Variants in BBS9 observed in about 807,000 individuals in gnomAD.
The protein encoded by BBS9 is protein PTHB1.
In BBS9, 89 loss-of-function variants were observed where a neutral mutation model predicts 117.7. The observed-to-expected ratio is 0.76, with a 90% CI of 0.64 to 0.90. The LOEUF is 0.90. Among genes scored for constraint, BBS9 ranks in the 40% least tolerant of loss-of-function variants. The pLI is 0.00. For missense variants in BBS9, 982 were observed against 1,042.2 expected, an observed-to-expected ratio of 0.94 and a Z score of 0.80; for synonymous variants, 379 against 370.9, an observed-to-expected ratio of 1.02 and a Z score of -0.25.
chr7:33,221,913 A>G lies in BBS9; in HGVS notation c.443-35323A>G, dbSNP rs1226910387. ...TTAAAAATCATATATATATATACACACACACACACATATATGATATGAAAT... is the reference window on the plus strand; with the variant it reads ...TTAAAAATCATATATATATATACACGCACACACACATATATGATATGAAAT... On this transcript the variant is annotated intron_variant, in intron 5 of 22. Coordinates refer to ENST00000242067, the MANE Select transcript of BBS9 (RefSeq NM_198428.3). Among the ~76,000 whole-genome samples the G allele has an allele frequency of 2.6e-5, 4 of 152,286 alleles. No individual in the cohort carries two copies. In the East Asian group the frequency reaches 7.7e-4, roughly 29 times the overall value.
At chr7:33,520,697 A>C (rs1317653982) in intron 20 of BBS9, among the ~76,000 whole-genome samples, 1 of 152,220 alleles carries the variant, frequency 6.6e-6, no homozygotes, top group Non-Finnish European at 1.5e-5. Flanking sequence ...TGCAAGTCAT[A>C]GTGTGAGATG....
intron 19 of BBS9, among the ~76,000 whole-genome samples, chr7:33,502,117 C>T (rs1020585084): frequency 5.3e-5 from 8 of 152,094 alleles, no homozygotes; most frequent in Non-Finnish European, 7.4e-5. Flanking sequence ...AACATGTTGG[C>T]CAGGCTGCTC....
In BBS9 at chr7:33,619,340, A is replaced by G. The variant is rs1585489107; in HGVS notation, c.2522-15837A>G. Among the ~76,000 whole-genome samples the G allele has an allele frequency of 2.0e-5, 3 of 152,292 alleles. 1 individual carries two copies. Among genetic ancestry groups the G allele is most frequent in the Middle Eastern group, 6.8e-3 (2 of 294 alleles). ...TAAATATGTATTTGCCCAATGTTGG[A>G]ACACCTAAATACATAAAGAAAATAT... On this transcript the variant is annotated intron_variant, in intron 21 of 21. Transcript: ENST00000671952.
chr7:33,330,816 G>A (rs1454444293), intron 9 of BBS9, among the ~76,000 whole-genome samples: 1 of 152,074 alleles, frequency 6.6e-6, no homozygotes, highest in Non-Finnish European at 1.5e-5. Context: ...TAGCTCAGTC[G>A]ATGCACTTCA....
intron 21 of BBS9, among the ~76,000 whole-genome samples, chr7:33,616,891 C>T (rs1412955548): frequency 6.6e-6 from 1 of 151,744 alleles, no homozygotes; most frequent in African/African-American, 2.4e-5. Flanking sequence ...TCTCCAATGT[C>T]GATTATTCCA....
At chr7:33,280,941 A>C in intron 9 of BBS9, among the ~76,000 whole-genome samples, 2 of 129,354 alleles carry the variant, frequency 1.5e-5, no homozygotes. Flanking sequence ...GCATTATAGA[A>C]AGAGAATGTG....
chr7:33,619,752 A>G (rs1407424807), intron 21 of BBS9, among the ~76,000 whole-genome samples: 1 of 152,164 alleles, frequency 6.6e-6, no homozygotes, highest in Non-Finnish European at 1.5e-5. Context: ...TGAATAACCA[A>G]TGGGTCAAAG....
chr7:33,218,989 G>A (rs1001484760), intron 5 of BBS9, among the ~76,000 whole-genome samples: 16 of 152,364 alleles, frequency 1.1e-4, no homozygotes, highest in Non-Finnish European at 1.8e-4. Flanking sequence ...AGGCGCGAGC[G>A]GGAACCCGGG....
chr7:33,434,356 A>G (rs1309314717), intron 19 of BBS9, among the ~76,000 whole-genome samples: 4 of 151,474 alleles, frequency 2.6e-5, no homozygotes, highest in Non-Finnish European at 5.9e-5. Context: ...CTGTCTTTTT[A>G]GTAATATATT....
intron 1 of BBS9, among the ~76,000 whole-genome samples, chr7:33,131,134 G>C (rs1482822377): frequency 6.6e-6 from 1 of 152,154 alleles, no homozygotes; most frequent in African/African-American, 2.4e-5. Flanking sequence ...TTTCGGTCCA[G>C]AGGGTGAGTT....
chr7:33,386,423 C>G (rs1301773015), intron 18 of BBS9, among the ~76,000 whole-genome samples: 3 of 151,636 alleles, frequency 2.0e-5, no homozygotes, highest in Non-Finnish European at 4.4e-5. Context: ...TGAAGTGTCC[C>G]TTTTACCCTG....
In BBS9 at chr7:33,598,926, A is replaced by G. The variant is rs114374898; in HGVS notation, c.2522-5939A>G. ...TGGCCCACAGGCCAAACCTGGCCCA[A>G]CACCTGTTTTAGTAAATAAAGTTTT... On this transcript the variant is annotated intron_variant, in intron 21 of 22. Coordinates refer to ENST00000242067, the MANE Select transcript of BBS9 (RefSeq NM_198428.3). Among the ~76,000 whole-genome samples the G allele has an allele frequency of 3.7e-3, 561 of 152,310 alleles. 4 individuals are homozygous for G. The highest frequency in any genetic ancestry group is 0.013 in the African/African-American group (534 of 41,580).
chr7:33,502,229 A>G (rs1845559391), intron 19 of BBS9, among the ~76,000 whole-genome samples: 1 of 152,100 alleles, frequency 6.6e-6, no homozygotes, highest in South Asian at 2.1e-4. Context: ...TCTTTAGGAC[A>G]CATTTCAGAT....
intron 21 of BBS9, among the ~76,000 whole-genome samples, chr7:33,568,105 C>A (rs1040356703): frequency 6.6e-6 from 1 of 152,092 alleles, no homozygotes; most frequent in Non-Finnish European, 1.5e-5. Flanking sequence ...GCTTAAGTAC[C>A]AATTCCTTAA....
intron 12 of BBS9, among the ~76,000 whole-genome samples, chr7:33,347,541 T>A (rs1817826081): frequency 6.6e-6 from 1 of 152,012 alleles, no homozygotes; most frequent in Non-Finnish European, 1.5e-5. Context: ...GGATTCATTG[T>A]TCATGGTGTT....
chr7:33,518,696 G>A (rs1042274635), intron 20 of BBS9, among the ~76,000 whole-genome samples: 2 of 152,106 alleles, frequency 1.3e-5, no homozygotes, highest in Non-Finnish European at 2.9e-5. Context: ...ATAAATGACT[G>A]TATAGACTCA....
rs1432994268 is a variant in BBS9 at position 33,174,365 on chromosome 7, C to T, written c.329-3113C>T. Among the ~76,000 whole-genome samples, 3 of 152,156 alleles carry T rather than the reference C, an allele frequency of 2.0e-5. No homozygotes were observed. In the East Asian group the frequency reaches 5.8e-4, roughly 29 times the overall value. ...CCATCTGTTAAAAGAAAAACTTTAG[C>T]CAAATTAAATTTAACAGCATTTAAT... On this transcript the variant is annotated intron_variant, in intron 4 of 22. Coordinates refer to ENST00000242067, the MANE Select transcript of BBS9 (RefSeq NM_198428.3).
intron 19 of BBS9, among the ~76,000 whole-genome samples, chr7:33,433,271 G>A (rs951003517): frequency 5.3e-5 from 8 of 152,158 alleles, no homozygotes; most frequent in Non-Finnish European, 8.8e-5. Flanking sequence ...GAAAACACAT[G>A]TATATTAATC....
Position 33,605,278 on chromosome 7 carries a change from C to T in BBS9, c.*52C>T. On this transcript the variant is annotated 3_prime_UTR_variant, in exon 23 of 23. Coordinates refer to ENST00000242067, the MANE Select transcript of BBS9 (RefSeq NM_198428.3). ...GAACATCCCCATCTCAAGGCCGAAC[C>T]TGTGTGAACCTCATGCCAAGCACAG... The T allele has an allele frequency of 6.4e-7, 1 of 1,552,658 alleles. No individual in the cohort carries two copies. The highest frequency in any genetic ancestry group is 8.9e-7 in the Non-Finnish European group (1 of 1,124,154).
Sources: allele counts gnomAD v4.1 joint callset (sites outside exome capture counted in the v4.1 genomes callset), GRCh38; gene constraint gnomAD v4.1.1; transcripts MANE v1.5; gene names NCBI Gene and HGNC (gene_info 2026-07-23, HGNC 2026-07-21).